KIF1B: variants seen among roughly 807,000 people sequenced by gnomAD.
KIF1B encodes the protein kinesin family member 1B, also known as kinesin-like protein KIF1B.
In KIF1B, 76 loss-of-function variants were observed where a neutral mutation model predicts 241.9. That is an observed-to-expected ratio of 0.31 (90% confidence interval 0.26 to 0.38). The LOEUF (loss-of-function observed/expected upper bound fraction) is 0.38, where lower values mean the gene tolerates loss of function less well. Among genes scored for constraint, KIF1B ranks in the 10% least tolerant of loss-of-function variants. The pLI, the probability that KIF1B is intolerant of heterozygous loss-of-function variation, is 1.00. For synonymous variants in KIF1B, 750 were observed against 796.7 expected (o/e 0.94, Z 0.99); for missense variants, 1,622 against 2,271.4 (o/e 0.71, Z 5.81).
At chr1:10,339,087 G>GA (rs1652291904) in intron 31 of KIF1B, among the ~76,000 whole-genome samples, 1 of 151,282 alleles carries the variant, frequency 6.6e-6, no homozygotes, top group African/African-American at 2.4e-5. Context: ...CTAATAATAG[G>GA]GAGAGAGAGA....
chr1:10,332,077 C>CTT (rs1651962934), intron 27 of KIF1B, among the ~76,000 whole-genome samples: 1 of 146,664 alleles, frequency 6.8e-6, no homozygotes, highest in Non-Finnish European at 1.5e-5. Context: ...TTCTTTTTTT[C>CTT]TCTTGAGACG....
chr1:10,371,062 T>G, intron 44 of KIF1B, 79 bp from the exon 45 acceptor site: 1 of 1,545,976 alleles, frequency 6.5e-7, no homozygotes, highest in Admixed American at 1.7e-5. Flanking sequence ...GAGGTTCTGG[T>G]TGTTGAAACT....
chr1:10,365,520 T>G lies in KIF1B; in HGVS notation c.4624T>G (p.Ser1542Ala). The change falls in exon 43 of 49, where the codon TCC becomes GCC. Residue 1542 changes from serine (S) to alanine (A), a missense_variant. Physicochemically the swap from Ser to Ala is moderately conservative, Grantham distance 99. Transcript: ENST00000676179. This position sits in a 1 kb window ranked among gnomAD's most constrained non-coding sequence, Gnocchi z 4.0. ...CCTCAGCAGTGGGACCCTCAGCACC[T>G]CCACCAGTATCTCCTCTCAGATCTC... ...PSLSSGTLST[S>A]TSISSQISTT... The G allele has an allele frequency of 1.2e-6, 2 of 1,614,012 alleles. No homozygotes were observed. The highest frequency in any genetic ancestry group is 1.7e-6 in the Non-Finnish European group (2 of 1,179,992).
chr1:10,369,873 A>G (rs1174222144), intron 44 of KIF1B, among the ~76,000 whole-genome samples: 2 of 148,462 alleles, frequency 1.3e-5, no homozygotes, highest in Non-Finnish European at 3.0e-5. Context: ...TGGAGGTTGC[A>G]GTGAGCCAAG....
In KIF1B at chr1:10,361,703, C is replaced by A; in HGVS notation, c.4182C>A (p.Cys1394Ter). ...CTGTCTGCTTTCAGCTGGATCATTG[C>A]ATCCAGCCGGCTGTCATCACCAAGG... Reference protein sequence around the residue: ...TLSAYLELDHCIQPAVITKDV... With the variant: ...TLSAYLELDH Residue 1394 changes from cysteine to a stop codon, truncating the protein, a stop_gained, in exon 40 of 49, where the codon TGC becomes TGA. Coordinates refer to ENST00000676179, the MANE Select transcript of KIF1B (RefSeq NM_001365951.3). LOFTEE classifies it high-confidence loss of function. The A allele has an allele frequency of 1.9e-6, 3 of 1,613,936 alleles. No individual in the cohort carries two copies. The highest frequency in any genetic ancestry group is 2.5e-6 in the Non-Finnish European group (3 of 1,180,032).
chr1:10,225,415 G>A (rs1646897229), intron 1 of KIF1B, among the ~76,000 whole-genome samples: 1 of 152,154 alleles, frequency 6.6e-6, no homozygotes, highest in Non-Finnish European at 1.5e-5. Context: ...AGCCTGGGAG[G>A]TTGAGGCTGC....
At chr1:10,220,393 TAGATGATA>T (rs1023980434) in intron 1 of KIF1B, among the ~76,000 whole-genome samples, 11 of 130,540 alleles carry the variant, frequency 8.4e-5, no homozygotes, top group South Asian at 2.6e-4. Context: ...GATAGATAGA[TAGATGATA>T]GATAGATAGA....
At chr1:10,250,891 A>G (rs1055541652) in intron 2 of KIF1B, among the ~76,000 whole-genome samples, 5 of 152,092 alleles carry the variant, frequency 3.3e-5, no homozygotes, top group Admixed American at 3.3e-4. Flanking sequence ...GGGCGGGTGC[A>G]GTGGCTCACA....
intron 22 of KIF1B, among the ~76,000 whole-genome samples, chr1:10,314,899 A>G (rs1440474702): frequency 6.6e-6 from 1 of 151,568 alleles, no homozygotes; most frequent in Non-Finnish European, 1.5e-5. Flanking sequence ...AGAAATCCTC[A>G]AGATAAAGTA....
chr1:10,233,009 A>G (rs1001070689), intron 2 of KIF1B, among the ~76,000 whole-genome samples: 2 of 152,196 alleles, frequency 1.3e-5, no homozygotes. Flanking sequence ...ATATGGTTCC[A>G]TAGGCAAATT....
rs758074134 is a variant in KIF1B at position 10,303,519 on chromosome 1, C to T, written c.2115+6273C>T. 6.2e-6 allele frequency: 10 copies of T among 1,614,148 alleles called. No homozygotes were observed. Among genetic ancestry groups the T allele is most frequent in the Middle Eastern group, 3.3e-4 (2 of 6,062 alleles). On this transcript the variant is annotated intron_variant, in intron 22 of 48. Transcript: ENST00000676179. This position sits in a 1 kb window ranked among gnomAD's most constrained non-coding sequence, Gnocchi z 5.2. ...TTTGTGCCATGTATGGCAAGAAAGA[C>T]CCCAATGAGCGGGACTCCTGGAGGG...
chr1:10,274,927 TA>T (rs1649019791), intron 10 of KIF1B: 3 of 394,142 alleles, frequency 7.6e-6, no homozygotes, highest in South Asian at 1.9e-5. Flanking sequence ...AGAAAAAGGA[TA>T]AAAAATGATA....
intron 2 of KIF1B, among the ~76,000 whole-genome samples, chr1:10,250,917 A>G (rs1016281489): frequency 6.6e-6 from 1 of 152,074 alleles, no homozygotes; most frequent in Non-Finnish European, 1.5e-5. Flanking sequence ...AATCCTAGCA[A>G]TTTGGGATGC....
chr1:10,343,116 C>G (rs1374770801), intron 33 of KIF1B, 116 bp from the exon 34 acceptor site: 1 of 1,036,536 alleles, frequency 9.6e-7, no homozygotes, highest in Non-Finnish European at 1.5e-6. Flanking sequence ...ATTCTCACTC[C>G]TACTTGTGAA....
intron 5 of KIF1B, 129 bp from the exon 6 acceptor site, chr1:10,267,251 C>A (rs563068997): frequency 1.4e-6 from 1 of 728,992 alleles, no homozygotes. Context: ...ACTCGTAGTT[C>A]GAGTGATCTC....
intron 27 of KIF1B, 137 bp from the exon 28 acceptor site, chr1:10,334,383 G>A (rs1652082205): frequency 2.6e-6 from 2 of 764,930 alleles, no homozygotes; most frequent in African/African-American, 1.7e-5. Context: ...AAATCTGAGA[G>A]GCTAGGACTG....
chr1:10,284,230 C>T (rs1286507327), intron 15 of KIF1B, among the ~76,000 whole-genome samples: 2 of 151,874 alleles, frequency 1.3e-5, no homozygotes, highest in Non-Finnish European at 2.9e-5. Flanking sequence ...CAGAGCAAGA[C>T]TCTATCTCAA....
chr1:10,260,682 T>C (rs1343073678), intron 4 of KIF1B, among the ~76,000 whole-genome samples: 1 of 151,892 alleles, frequency 6.6e-6, no homozygotes, highest in Admixed American at 6.5e-5. Context: ...CTGACCAACA[T>C]GGTGAAACCC....
intron 22 of KIF1B, among the ~76,000 whole-genome samples, chr1:10,308,916 G>GT (rs1330363524): frequency 1.3e-5 from 2 of 152,144 alleles, no homozygotes; most frequent in Admixed American, 6.5e-5. Context: ...CATGTTTTCA[G>GT]TTTTTTCTCT....
Sources: gnomAD v4.1 joint callset for allele counts (sites outside exome capture counted in the v4.1 genomes callset) on GRCh38, gnomAD v4.1.1 for gene constraint, Gnocchi (gnomAD v3.1) non-coding constraint, MANE v1.5 for transcripts, NCBI Gene and HGNC (gene_info 2026-07-23, HGNC 2026-07-21) for gene names.